The following MTO1 variants were observed in gnomAD, a reference collection of about 807,000 sequenced individuals.
The protein encoded by MTO1 is mitochondrial tRNA translation optimization 1.
MTO1 carries 46 observed loss-of-function variants against 71.6 expected under a neutral mutation model. That is an observed-to-expected ratio of 0.64 (90% confidence interval 0.51 to 0.82). The LOEUF (loss-of-function observed/expected upper bound fraction) is 0.82, where lower values mean the gene tolerates loss of function less well. Among genes scored for constraint, MTO1 ranks in the 40% least tolerant of loss-of-function variants. The probability of loss-of-function intolerance (pLI) is 0.00; values close to 1 mark genes in which losing one functional copy is unlikely to be tolerated. For missense variants in MTO1, 773 were observed against 867.5 expected, an observed-to-expected ratio of 0.89 and a Z score of 1.37; for synonymous variants, 297 against 312.1, an observed-to-expected ratio of 0.95 and a Z score of 0.51.
intron 11 of MTO1, 52 bp downstream of exon 11, chr6:73,497,948 C>T: frequency 2.0e-6 from 3 of 1,497,686 alleles, no homozygotes; most frequent in Non-Finnish European, 2.7e-6. Context: ...AGATACAGTG[C>T]TTTAATTTTT....
chr6:73,464,208 C>T (rs1176839715), intron 1 of MTO1: 2 of 152,092 alleles, frequency 1.3e-5, no homozygotes, highest in Non-Finnish European at 2.9e-5. Flanking sequence ...AGACCTAGGC[C>T]AGGGGTGATT....
At chr6:73,470,499 C>T (rs985002808) in intron 3 of MTO1, among the ~76,000 whole-genome samples, 3 of 152,146 alleles carry the variant, frequency 2.0e-5, no homozygotes, top group Non-Finnish European at 2.9e-5. Context: ...AGCCACCGCG[C>T]GTGGCCCAGG....
rs771263349 is a variant in MTO1 at position 73,480,979 on chromosome 6, T to G, written c.1260+174T>G. On this transcript the variant is annotated intron_variant, in intron 7 of 11. Coordinates refer to ENST00000498286, the MANE Select transcript of MTO1 (RefSeq NM_012123.4). The stretch of plus-strand genomic sequence containing the variant: ...TTTGTAGATAATAGGGTTTTTTTTT[T>G]TTTTTTTTTTTTTTGAGACAGAGTG... The G allele has an allele frequency of 1.9e-4, 117 of 622,404 alleles. No homozygotes were observed. In the African/African-American group the frequency reaches 2.0e-3, roughly 11 times the overall value. 38.6% of individuals were successfully genotyped at this position (622,404 alleles called of 1,614,324 possible).
At chr6:73,491,408 A>G (rs558562837) in intron 9 of MTO1, among the ~76,000 whole-genome samples, 10 of 151,950 alleles carry the variant, frequency 6.6e-5, no homozygotes, top group South Asian at 2.1e-4. Flanking sequence ...AAAAAAAAAA[A>G]AAAAAGAAGA....
intron 10 of MTO1, 142 bp from the exon 11 acceptor site, chr6:73,497,594 A>C (rs986415375): frequency 1.3e-6 from 1 of 758,946 alleles, no homozygotes; most frequent in Non-Finnish European, 2.0e-6. Context: ...GGGAACACCT[A>C]CCCAACCCAT....
At chr6:73,476,440 G>A (rs1293033538) in intron 4 of MTO1, among the ~76,000 whole-genome samples, 3 of 142,214 alleles carry the variant, frequency 2.1e-5, no homozygotes, top group African/African-American at 5.3e-5. Flanking sequence ...TTAAAAAGAC[G>A]GAGAAAAACA....
chr6:73,496,133 G>A (rs547108377), intron 10 of MTO1, among the ~76,000 whole-genome samples: 4 of 152,236 alleles, frequency 2.6e-5, no homozygotes, highest in East Asian at 3.9e-4. Context: ...GATGATGTAC[G>A]CATAGTCAGA....
At chr6:73,488,166 A>T (rs1771706888) in intron 9 of MTO1, among the ~76,000 whole-genome samples, 1 of 151,690 alleles carries the variant, frequency 6.6e-6, no homozygotes, top group African/African-American at 2.4e-5. Flanking sequence ...CCATTTTTTA[A>T]ATCAGTTGTT....
rs374736241 is a variant in MTO1, at chr6:73,508,862, T to C, written c.*8127T>C. ...AAGAAGGTATGATAATGGCTAAAGA[T>C]GGGGACTGTAGGTCAATGCTCCACG... is the stretch of plus-strand genomic sequence containing the variant. On this transcript the variant is annotated 3_prime_UTR_variant, in exon 12 of 12. Transcript: ENST00000498286. 1 of 152,166 alleles carries C rather than the reference T, an allele frequency of 6.6e-6. No individual in the cohort carries two copies. The highest frequency in any genetic ancestry group is 6.6e-5 in the Admixed American group (1 of 15,258). 9.4% of individuals were successfully genotyped at this position (152,166 alleles called of 1,614,324 possible). A position where few individuals can be genotyped will look rare whatever the true frequency, so the allele number is the denominator to read the frequency against.
In MTO1 at chr6:73,482,135, T is replaced by A. The variant is rs770107627; in HGVS notation, c.1356T>A (p.Asp452Glu). The stretch of plus-strand genomic sequence containing the variant: ...AAGGTTACATAGGAGTCTTGATTGA[T>A]GACCTCACTACTCTGGGCACCAGTG... ...RTEGYIGVLI[D>E]DLTTLGTSEP... The change falls in exon 8 of 12, where the codon GAT becomes GAA. Residue 452 changes from aspartate to glutamate, a missense_variant. Physicochemically the swap from Asp to Glu is conservative, Grantham distance 45. Coordinates refer to ENST00000498286, the MANE Select transcript of MTO1 (RefSeq NM_012123.4). 3.7e-6 allele frequency: 6 copies of A among 1,614,204 alleles called. No individual in the cohort carries two copies. The highest frequency in any genetic ancestry group is 1.7e-6 in the Non-Finnish European group (2 of 1,180,028).
At chr6:73,486,956 C>T (rs1771669852) in intron 9 of MTO1, among the ~76,000 whole-genome samples, 1 of 151,950 alleles carries the variant, frequency 6.6e-6, no homozygotes, top group Admixed American at 6.6e-5. Context: ...GACCCATTCT[C>T]TATAATAATA....
At chr6:73,481,386 A>G (rs1771487705) in intron 7 of MTO1, among the ~76,000 whole-genome samples, 1 of 152,116 alleles carries the variant, frequency 6.6e-6, no homozygotes, top group South Asian at 2.1e-4. Context: ...AAATTATTAT[A>G]TTATTATTCC....
At chr6:73,471,941 A>G (rs1397090920) in intron 3 of MTO1, 2 of 152,308 alleles carry the variant, frequency 1.3e-5, no homozygotes, top group Admixed American at 1.3e-4. Context: ...AAAATTCTGT[A>G]CCCATTAAAC....
chr6:73,466,793 T>C (rs1463702272), intron 3 of MTO1, among the ~76,000 whole-genome samples, 187 bp downstream of exon 3: 2 of 152,182 alleles, frequency 1.3e-5, no homozygotes, highest in Non-Finnish European at 2.9e-5. Context: ...TGATGCTCAG[T>C]CAAATTCTAG....
chr6:73,472,729 G>A (rs73450675), intron 3 of MTO1, among the ~76,000 whole-genome samples: 53 of 152,160 alleles, frequency 3.5e-4, no homozygotes, highest in African/African-American at 1.2e-3. Flanking sequence ...CACACAAAAC[G>A]TGTAACTATG....
chr6:73,492,243 TGTTCTGAA>T lies in MTO1; in HGVS notation c.1650_1657del (p.Leu551Ter). On this transcript the variant is annotated frameshift_variant, in exon 10 of 12. Transcript: ENST00000498286. LOFTEE classifies it high-confidence loss of function. ...TTTCATATATTTGCAGAGCTCTCGA[TGTTCTGAA>T]GTATGAGGAAGTTGACATGGATTCA... 1 of 1,609,678 alleles carries T rather than the reference TGTTCTGAA, an allele frequency of 6.2e-7. No homozygotes were observed. Among genetic ancestry groups the T allele is most frequent in the Non-Finnish European group, 8.5e-7 (1 of 1,176,042 alleles).
chr6:73,476,417 A>G (rs1271927478), intron 4 of MTO1, among the ~76,000 whole-genome samples: 1 of 150,314 alleles, frequency 6.7e-6, no homozygotes, highest in African/African-American at 2.5e-5. Context: ...CCCTCAACGC[A>G]TATAATTTTA....
chr6:73,499,656 A>G (rs1044091428), intron 11 of MTO1, among the ~76,000 whole-genome samples: 10 of 152,224 alleles, frequency 6.6e-5, no homozygotes, highest in Non-Finnish European at 1.0e-4. Flanking sequence ...TGCAGTGCAC[A>G]TGTTATAGAA....
intron 4 of MTO1, among the ~76,000 whole-genome samples, chr6:73,475,495 C>T (rs1771286355): frequency 6.6e-6 from 1 of 150,958 alleles, no homozygotes. Flanking sequence ...CCATGTTGAT[C>T]AGGCTGGTCT....
Sources: allele counts gnomAD v4.1 joint callset (sites outside exome capture counted in the v4.1 genomes callset), GRCh38; gene constraint gnomAD v4.1.1; transcripts MANE v1.5; gene names NCBI Gene and HGNC (gene_info 2026-07-23, HGNC 2026-07-21).